HOXC4: variants seen among roughly 807,000 people sequenced by gnomAD.
The protein encoded by HOXC4 is homeobox C4, also known as homeobox protein Hox-C4.
Under a neutral mutation model 25.5 loss-of-function variants are expected in HOXC4, and 15 were observed. The observed-to-expected ratio is 0.59, with a 90% CI of 0.39 to 0.91. The LOEUF is 0.91. Among genes scored for constraint, HOXC4 ranks in the 40% least tolerant of loss-of-function variants. The pLI is 0.00. For synonymous variants in HOXC4, 165 were observed against 148.0 expected, an observed-to-expected ratio of 1.11 and a Z score of -0.83; for missense variants, 342 against 352.4, an observed-to-expected ratio of 0.97 and a Z score of 0.24.
rs560170997 is a variant in HOXC4, at chr12:54,042,208, C to T, written c.-123-10952C>T. Among the ~76,000 whole-genome samples, 12 of 152,234 alleles carry T rather than the reference C, an allele frequency of 7.9e-5. No individual in the cohort carries two copies. The East Asian group carries it at 1.5e-3, about 20-fold the overall frequency. On this transcript the variant is annotated intron_variant, in intron 1 of 3. Coordinates refer to the HOXC4 transcript ENST00000303406. ...GGTCAGGCTGGTCTCAAACTCCTGA[C>T]ATCAGATGATCCGCCTGCCTTTGCC...
In HOXC4 at chr12:54,033,150, T is replaced by C. The variant is rs746692454; in HGVS notation, c.-124+15736T>C. The C allele has an allele frequency of 4.3e-6, 7 of 1,613,298 alleles. No individual in the cohort carries two copies. The East Asian group carries it at 8.9e-5, about 21-fold the overall frequency. On this transcript the variant is annotated intron_variant, in intron 1 of 3. Transcript: ENST00000303406. ...GAGCTCCTACGTAGCCAATTCATTC[T>C]ATAAGCAGAGCCCCAATATCCCTGC... is the stretch of plus-strand genomic sequence containing the variant.
chr12:54,047,427 C>G (rs1307484969), intron 1 of HOXC4, among the ~76,000 whole-genome samples: 1 of 152,206 alleles, frequency 6.6e-6, no homozygotes, highest in African/African-American at 2.4e-5. Flanking sequence ...GAGGCCGAAG[C>G]CCGCCCCGGA....
intron 1 of HOXC4, chr12:54,022,378 G>A (rs549845304): frequency 6.6e-6 from 1 of 152,226 alleles, no homozygotes; most frequent in Admixed American, 6.5e-5. Flanking sequence ...GATCCTATAT[G>A]TCTCCAATCC....
At chr12:54,050,131 T>C (rs1448066970), upstream of HOXC4, among the ~76,000 whole-genome samples, 1 of 152,054 alleles carries the variant, frequency 6.6e-6, no homozygotes. Context: ...GCAGAGAATC[T>C]ATGGAGCCGC....
intron 1 of HOXC4, among the ~76,000 whole-genome samples, chr12:54,047,169 C>A (rs1309922473): frequency 1.3e-5 from 2 of 152,246 alleles, no homozygotes; most frequent in Non-Finnish European, 2.9e-5. Flanking sequence ...GGGCTTAATC[C>A]AGACCTTTCA....
At chr12:54,042,273 C>G (rs989292659) in intron 1 of HOXC4, among the ~76,000 whole-genome samples, 1 of 152,180 alleles carries the variant, frequency 6.6e-6, no homozygotes, top group Non-Finnish European at 1.5e-5. Flanking sequence ...CCACCGTGGC[C>G]AGCCCCATTT....
intron 1 of HOXC4, chr12:54,020,344 C>T (rs1168118441): frequency 1.3e-5 from 2 of 152,234 alleles, no homozygotes; most frequent in African/African-American, 4.8e-5. Flanking sequence ...TTGCCTGCCC[C>T]CCTTATAAGG....
At chr12:54,051,371 C>T (rs1937842755), upstream of HOXC4, among the ~76,000 whole-genome samples, 1 of 152,092 alleles carries the variant, frequency 6.6e-6, no homozygotes, top group Non-Finnish European at 1.5e-5. Context: ...GCACTGGTTT[C>T]CCTTTGCCCT....
intron 1 of HOXC4, chr12:54,028,491 A>G: frequency 6.3e-7 from 1 of 1,597,044 alleles, no homozygotes; most frequent in South Asian, 1.1e-5. Context: ...ATATTAAAGA[A>G]ATCATAGACC....
intron 1 of HOXC4, among the ~76,000 whole-genome samples, chr12:54,041,075 A>C (rs1158694535): frequency 1.3e-5 from 2 of 152,232 alleles, no homozygotes; most frequent in East Asian, 3.8e-4. Context: ...ATAATAATAG[A>C]CTAGGTGATG....
chr12:54,045,686 C>G (rs1487044802), intron 1 of HOXC4, among the ~76,000 whole-genome samples: 1 of 152,266 alleles, frequency 6.6e-6, no homozygotes, highest in Admixed American at 6.5e-5. Context: ...AAACTTACTG[C>G]ATCTCTCTGT....
At chr12:54,037,985 A>G (rs1287463555) in intron 1 of HOXC4, 1 of 152,198 alleles carries the variant, frequency 6.6e-6, no homozygotes, top group African/African-American at 2.4e-5. Flanking sequence ...GAGAGGTTAC[A>G]TCTTCGCAAA....
intron 1 of HOXC4, among the ~76,000 whole-genome samples, chr12:54,036,179 G>T (rs57280190): frequency 6.6e-6 from 1 of 152,094 alleles, no homozygotes; most frequent in Non-Finnish European, 1.5e-5. Context: ...CCTTCTCCAG[G>T]CTCCTGGGAT....
intron 1 of HOXC4, among the ~76,000 whole-genome samples, chr12:54,046,050 C>A (rs1437890230): frequency 6.6e-6 from 1 of 152,176 alleles, no homozygotes; most frequent in Non-Finnish European, 1.5e-5. Context: ...CCCTACACCC[C>A]CCACTGGGCC....
At position 54,054,929 on chromosome 12, in the gene HOXC4, A is replaced by G; in HGVS notation, c.519A>G (p.Lys173=). ...GGCAGCAAGTCCTGGAATTAGAGAA[A>G]GAGTTTCATTACAACCGCTACCTGA... ...YTRQQVLELE[K]EFHYNRYLTR... is the part of the protein sequence containing the mutation. Residue 173 remains lysine, a synonymous_variant, in exon 2 of 2, where the codon AAA becomes AAG. Coordinates refer to ENST00000430889, the MANE Select transcript of HOXC4 (RefSeq NM_153633.3). The G allele has an allele frequency of 6.2e-7, 1 of 1,614,082 alleles. No homozygotes were observed. Among genetic ancestry groups the G allele is most frequent in the East Asian group, 2.2e-5 (1 of 44,870 alleles).
intron 1 of HOXC4, among the ~76,000 whole-genome samples, chr12:54,048,429 G>A (rs1204613238): frequency 6.6e-6 from 1 of 152,048 alleles, no homozygotes; most frequent in Admixed American, 6.5e-5. Context: ...AAAAACTCCA[G>A]AAAAAGGGAA....
At chr12:54,052,424 C>T (rs1233098229), upstream of HOXC4, among the ~76,000 whole-genome samples, 8 of 152,158 alleles carry the variant, frequency 5.3e-5, no homozygotes, top group Non-Finnish European at 7.3e-5. Flanking sequence ...CCCTGGCAAG[C>T]TATGATTTTA....
intron 1 of HOXC4, chr12:54,034,645 T>G: frequency 1.6e-6 from 1 of 632,642 alleles, no homozygotes; most frequent in Non-Finnish European, 2.7e-6. Flanking sequence ...TTCCTTGGCA[T>G]TCCGCATCCC....
intron 1 of HOXC4, among the ~76,000 whole-genome samples, chr12:54,024,277 C>T (rs1254883635): frequency 6.6e-6 from 1 of 152,168 alleles, no homozygotes; most frequent in African/African-American, 2.4e-5. Flanking sequence ...CGGTCGCGTC[C>T]AGGCAGCTGA....
Sources: allele counts gnomAD v4.1 joint callset (sites outside exome capture counted in the v4.1 genomes callset), GRCh38; gene constraint gnomAD v4.1.1; transcripts MANE v1.5; gene names NCBI Gene and HGNC (gene_info 2026-07-23, HGNC 2026-07-21).